Variants in TBX5 observed in about 807,000 individuals in gnomAD.
The protein encoded by TBX5 is T-box transcription factor TBX5.
In TBX5, 8 loss-of-function variants were observed where a neutral mutation model predicts 51.1. The ratio of observed to expected loss-of-function variants is 0.16; its 90% CI spans 0.09 to 0.28. The LOEUF is 0.28. TBX5 is among the 10% of genes least tolerant of loss of function. The pLI, the probability that TBX5 is intolerant of heterozygous loss-of-function variation, is 1.00. For missense variants in TBX5, 589 were observed against 671.7 expected (o/e 0.88, Z 1.36); for synonymous variants, 302 against 266.4 (o/e 1.13, Z -1.30).
intron 2 of TBX5, among the ~76,000 whole-genome samples, chr12:114,402,608 C>T (rs1053677892): frequency 2.0e-5 from 3 of 152,098 alleles, no homozygotes; most frequent in African/African-American, 7.2e-5. Flanking sequence ...CAAGTAGTTC[C>T]ATTCACATCC....
intron 7 of TBX5, among the ~76,000 whole-genome samples, chr12:114,378,550 G>A (rs927018085): frequency 2.6e-5 from 4 of 152,360 alleles, no homozygotes; most frequent in South Asian, 2.1e-4. Flanking sequence ...TTTAAAATGC[G>A]TCGACGAATT....
At chr12:114,392,957 G>A (rs11067098) in intron 6 of TBX5, among the ~76,000 whole-genome samples, 3,391 of 152,224 alleles carry the variant, frequency 0.022, 93 homozygotes, top group East Asian at 0.15. Flanking sequence ...TTTTCTTTCC[G>A]AGGGCAGGAA....
intron 7 of TBX5, among the ~76,000 whole-genome samples, chr12:114,380,254 A>G (rs1205016726): frequency 6.6e-6 from 1 of 152,184 alleles, no homozygotes; most frequent in Non-Finnish European, 1.5e-5. Context: ...CAAAGTCCAA[A>G]GAAAGAGTTG....
chr12:114,394,706 G>A (rs1033847756), intron 6 of TBX5, 35 bp downstream of exon 6: 1 of 1,613,480 alleles, frequency 6.2e-7, no homozygotes, highest in African/African-American at 1.3e-5. Context: ...AAGAGCAGAC[G>A]GCCCCAGGCA....
In TBX5 at chr12:114,398,645, C is replaced by A. The variant is rs776523515; in HGVS notation, c.438G>T (p.Ala146=). Residue 146 remains alanine (A), a synonymous_variant, in exon 5 of 9, where the codon GCG becomes GCT. Transcript: ENST00000405440. Reference sequence around the variant, plus strand: ...AGGAGACGAGCTGCCTCATCCAATGCGCCCCGGTGGCGGGGGAGTCTGGGT... The same window carrying A: ...AGGAGACGAGCTGCCTCATCCAATGAGCCCCGGTGGCGGGGGAGTCTGGGT... ...YVHPDSPATG[A]HWMRQLVSFQ... The A allele has an allele frequency of 4.3e-6, 7 of 1,613,366 alleles. No individual in the cohort carries two copies. The highest frequency in any genetic ancestry group is 2.2e-5 in the East Asian group (1 of 44,852).
intron 7 of TBX5, among the ~76,000 whole-genome samples, chr12:114,381,173 C>T (rs147527557): frequency 7.5e-4 from 114 of 152,338 alleles, no homozygotes; most frequent in African/African-American, 2.7e-3. Flanking sequence ...AACAGCCAGA[C>T]ATTTGCCAAG....
chr12:114,398,369 A>G (rs1871551355), intron 5 of TBX5, among the ~76,000 whole-genome samples: 1 of 152,108 alleles, frequency 6.6e-6, no homozygotes, highest in African/African-American at 2.4e-5. Flanking sequence ...GAATGAGAGA[A>G]TTGAGACGGA....
intron 7 of TBX5, among the ~76,000 whole-genome samples, chr12:114,380,498 G>A (rs925946838): frequency 6.6e-6 from 1 of 151,916 alleles, no homozygotes; most frequent in Non-Finnish European, 1.5e-5. Context: ...TCCTTTCTTA[G>A]AACTCAGTCT....
chr12:114,383,190 G>T (rs1565934410), intron 7 of TBX5, among the ~76,000 whole-genome samples: 2 of 152,112 alleles, frequency 1.3e-5, no homozygotes, highest in Non-Finnish European at 2.9e-5. Flanking sequence ...TTCCCAGGAG[G>T]GGTCCTGGGG....
In TBX5 at chr12:114,356,111, G is replaced by A. The variant is rs1320837602; in HGVS notation, c.983-5C>T. ...CTGTGGTGGAACATTCTTCCTCTGTGAAGACAGGAGAGACAGCAGTGAGGC... is the reference window on the plus strand; with the variant it reads ...CTGTGGTGGAACATTCTTCCTCTGTAAAGACAGGAGAGACAGCAGTGAGGC... On this transcript the variant is annotated splice_polypyrimidine_tract_variant and splice_region_variant and intron_variant, in intron 8 of 8. Coordinates refer to ENST00000405440, the MANE Select transcript of TBX5 (RefSeq NM_181486.4). 1 of 1,608,260 alleles carries A rather than the reference G, an allele frequency of 6.2e-7. No individual in the cohort carries two copies. The highest frequency in any genetic ancestry group is 1.3e-5 in the African/African-American group (1 of 75,052).
chr12:114,396,828 G>C (rs915863070), intron 5 of TBX5, among the ~76,000 whole-genome samples: 1 of 152,188 alleles, frequency 6.6e-6, no homozygotes, highest in Non-Finnish European at 1.5e-5. Flanking sequence ...GCCAGGGCGG[G>C]TCAGCCAATG....
chr12:114,374,760 T>C (rs1487987082), intron 7 of TBX5, among the ~76,000 whole-genome samples: 10 of 152,192 alleles, frequency 6.6e-5, no homozygotes, highest in Admixed American at 6.5e-4. Context: ...AAATTCAACC[T>C]AAAATACAGG....
intron 6 of TBX5, among the ~76,000 whole-genome samples, chr12:114,393,065 T>C (rs532776898): frequency 6.6e-6 from 1 of 152,272 alleles, no homozygotes; most frequent in Admixed American, 6.5e-5. Flanking sequence ...ATTTGGAGAT[T>C]AGCCACAGCA....
intron 7 of TBX5, among the ~76,000 whole-genome samples, chr12:114,369,066 G>T (rs1254874610): frequency 1.3e-5 from 2 of 152,124 alleles, no homozygotes; most frequent in East Asian, 3.8e-4. Context: ...TATAAAAGTT[G>T]TCAAAACTTG....
In TBX5 at chr12:114,402,703, G is replaced by A. The variant is rs149864048; in HGVS notation, c.148-783C>T. Among the ~76,000 whole-genome samples the A allele has an allele frequency of 6.6e-5, 10 of 151,840 alleles. No individual in the cohort carries two copies. In the East Asian group the frequency reaches 1.9e-3, roughly 29 times the overall value. On this transcript the variant is annotated intron_variant, in intron 2 of 8. Coordinates refer to ENST00000405440, the MANE Select transcript of TBX5 (RefSeq NM_181486.4). ...CTAAATTTACAGAACCGATGCAAATGTATATATATACATATATATACATAT... is the reference window on the plus strand; with the variant it reads ...CTAAATTTACAGAACCGATGCAAATATATATATATACATATATATACATAT...
At chr12:114,397,733 C>T (rs573873065) in intron 5 of TBX5, among the ~76,000 whole-genome samples, 3 of 152,242 alleles carry the variant, frequency 2.0e-5, no homozygotes, top group African/African-American at 4.8e-5. Flanking sequence ...GGTTTACATT[C>T]GCCTGCTCTG....
intron 7 of TBX5, among the ~76,000 whole-genome samples, chr12:114,371,987 T>A (rs1869935495): frequency 6.6e-6 from 1 of 152,128 alleles, no homozygotes; most frequent in South Asian, 2.1e-4. Context: ...GGGTACCATG[T>A]TGCTGATGAG....
At chr12:114,385,381 AG>A (rs1183536062) in intron 7 of TBX5, 94 bp downstream of exon 7, 1 of 1,008,816 alleles carries the variant, frequency 9.9e-7, no homozygotes, top group Non-Finnish European at 1.6e-6. Context: ...ACGGGCAGGA[AG>A]GCTGGTGGAG....
In TBX5 at chr12:114,355,290, C is replaced by T; in HGVS notation, c.*242G>A. 3.4e-6 allele frequency: 2 copies of T among 583,258 alleles called. No individual in the cohort carries two copies. The highest frequency in any genetic ancestry group is 4.5e-5 in the Admixed American group (2 of 44,714). The allele number at this position is 583,258 out of a possible 1,614,324, so 36.1% of individuals were successfully genotyped here. On this transcript the variant is annotated 3_prime_UTR_variant, in exon 9 of 9. Transcript: ENST00000405440. ...TGTGGTGGTAGTGGGGGGTGGGACT[C>T]ATCTTTTTGTGTTTGTTTTTTTAAG...
Sources: allele counts gnomAD v4.1 joint callset (sites outside exome capture counted in the v4.1 genomes callset), GRCh38; gene constraint gnomAD v4.1.1; transcripts MANE v1.5; gene names NCBI Gene and HGNC (gene_info 2026-07-23, HGNC 2026-07-21).